The following ZNF407 variants were observed in gnomAD, a reference collection of about 807,000 sequenced individuals.
ZNF407 encodes the protein zinc finger protein 407.
Under a neutral mutation model 131.2 loss-of-function variants are expected in ZNF407, and 17 were observed. The observed-to-expected ratio is 0.13, with a 90% CI of 0.09 to 0.19. The LOEUF (loss-of-function observed/expected upper bound fraction) is 0.19, where lower values mean the gene tolerates loss of function less well. Among genes scored for constraint, ZNF407 ranks in the 10% least tolerant of loss-of-function variants. The pLI is 1.00. For synonymous variants in ZNF407, 1,156 were observed against 1,062.0 expected, an observed-to-expected ratio of 1.09 and a Z score of -1.72; for missense variants, 2,681 against 2,830.6, an observed-to-expected ratio of 0.95 and a Z score of 1.20.
In ZNF407 at chr18:74,634,999, C is replaced by T. The variant is rs1267662357; in HGVS notation, c.3980C>T (p.Ser1327Phe). 2 of 1,613,878 alleles carry T rather than the reference C, an allele frequency of 1.2e-6. No individual in the cohort carries two copies. The highest frequency in any genetic ancestry group is 1.7e-6 in the Non-Finnish European group (2 of 1,179,906). ...EFILEEDGPA[S>F]DSTVESSDVY... ...ATTTTGGAGGAGGATGGCCCAGCTT[C>T]TGATAGCACAGTTGAAAGTAGTGAT... Residue 1327 changes from serine (S) to phenylalanine (F), a missense_variant, in exon 2 of 9, where the codon TCT becomes TTT. By Grantham distance (155) the Ser-to-Phe change is radical (BLOSUM62 -2). Around this residue, in one of 6 missense-constraint regions of ZNF407, gnomAD observed 1,789 missense variants for 1,748.7 expected, o/e 1.02. Coordinates refer to ENST00000299687, the MANE Select transcript of ZNF407 (RefSeq NM_017757.3).
intron 8 of ZNF407, among the ~76,000 whole-genome samples, chr18:74,931,473 G>T (rs913913799): frequency 6.6e-6 from 1 of 152,076 alleles, no homozygotes; most frequent in South Asian, 2.1e-4. Context: ...CACCATTACT[G>T]TTAGGAAAAT....
At chr18:74,884,546 T>C (rs572804932) in intron 6 of ZNF407, among the ~76,000 whole-genome samples, 206 of 152,320 alleles carry the variant, frequency 1.4e-3, no homozygotes, top group African/African-American at 4.8e-3. Flanking sequence ...ATTATATTTT[T>C]CCCTGTCATC....
In ZNF407 at chr18:74,955,973, A is replaced by T. The variant is rs116124341; in HGVS notation, c.5428+35281A>T. Among the ~76,000 whole-genome samples the T allele has an allele frequency of 5.9e-3, 906 of 152,310 alleles. 5 individuals carry two copies. Among genetic ancestry groups the T allele is most frequent in the African/African-American group, 0.021 (869 of 41,562 alleles). Reference sequence around the variant, plus strand: ...AGAAAGCTCTAACTTAAGGAAGTTCATCTATAGGTTGAGCCAAAATATTCT... The same window carrying T: ...AGAAAGCTCTAACTTAAGGAAGTTCTTCTATAGGTTGAGCCAAAATATTCT... On this transcript the variant is annotated intron_variant, in intron 8 of 8. Coordinates refer to ENST00000299687, the MANE Select transcript of ZNF407 (RefSeq NM_017757.3).
chr18:74,628,037 G>C (rs1251043567), intron 1 of ZNF407, among the ~76,000 whole-genome samples: 1 of 151,898 alleles, frequency 6.6e-6, no homozygotes, highest in Non-Finnish European at 1.5e-5. Flanking sequence ...ACCACAGCTG[G>C]CTAACAAACT....
intron 3 of ZNF407, among the ~76,000 whole-genome samples, chr18:74,700,772 G>C (rs1403761645): frequency 6.6e-6 from 1 of 152,144 alleles, no homozygotes; most frequent in East Asian, 1.9e-4. Context: ...TAGGAGTTTA[G>C]CCTTGGTCAT....
At chr18:74,749,985 A>G (rs1388245902) in intron 3 of ZNF407, among the ~76,000 whole-genome samples, 11 of 152,206 alleles carry the variant, frequency 7.2e-5, no homozygotes, top group Non-Finnish European at 1.3e-4. Context: ...TGGACAAAGT[A>G]TGAGGTTGGT....
At chr18:74,863,982 TAAAG>T (rs773982413) in intron 4 of ZNF407, among the ~76,000 whole-genome samples, 1 of 152,230 alleles carries the variant, frequency 6.6e-6, no homozygotes, top group Admixed American at 6.5e-5. Flanking sequence ...AATTAAATAA[TAAAG>T]AAACATTCAA....
intron 8 of ZNF407, among the ~76,000 whole-genome samples, chr18:75,040,046 G>A (rs546067445): frequency 2.3e-4 from 35 of 152,222 alleles, no homozygotes; most frequent in African/African-American, 7.2e-4. Flanking sequence ...CATTTAGAAC[G>A]TTTGGCCTTT....
intron 7 of ZNF407, among the ~76,000 whole-genome samples, chr18:74,893,241 T>C: frequency 6.6e-6 from 1 of 152,184 alleles, no homozygotes; most frequent in East Asian, 1.9e-4. Context: ...ATAAAAGACT[T>C]ATGACATTGA....
At chr18:74,969,879 TC>T (rs1287187004) in intron 8 of ZNF407, among the ~76,000 whole-genome samples, 1 of 152,192 alleles carries the variant, frequency 6.6e-6, no homozygotes, top group African/African-American at 2.4e-5. Context: ...TTTGAACTGT[TC>T]CACTCCCTTC....
chr18:74,923,019 G>T (rs1380115411), intron 8 of ZNF407, among the ~76,000 whole-genome samples: 1 of 152,210 alleles, frequency 6.6e-6, no homozygotes, highest in Non-Finnish European at 1.5e-5. Flanking sequence ...TGTTTGACAT[G>T]ATCATTTTTA....
intron 8 of ZNF407, among the ~76,000 whole-genome samples, chr18:74,967,223 G>A (rs1453443005): frequency 1.3e-5 from 2 of 152,108 alleles, no homozygotes; most frequent in African/African-American, 4.8e-5. Context: ...CTCCATCCTG[G>A]GCGACAGAGA....
In ZNF407 at chr18:74,634,858, G is replaced by A. The variant is rs754662707; in HGVS notation, c.3839G>A (p.Gly1280Glu). The A allele has an allele frequency of 6.6e-5, 107 of 1,613,694 alleles. No individual in the cohort carries two copies. The highest frequency in any genetic ancestry group is 1.6e-4 in the Middle Eastern group (1 of 6,062). Residue 1280 changes from glycine (G) to glutamate (E), a missense_variant, in exon 2 of 9, where the codon GGG becomes GAG. This residue lies in a region of ZNF407 where 1,789 missense variants were observed against 1,748.7 expected (regional missense o/e 1.02). Transcript: ENST00000299687. The stretch of plus-strand genomic sequence containing the variant: ...AGAGAACAGGGAAATCTGGAGAGCG[G>A]GGGTCAGAACAGAGTTGCACGTGGG... ...ITREQGNLES[G>E]GQNRVARGHG...
chr18:74,851,076 A>G (rs935463960), intron 4 of ZNF407, among the ~76,000 whole-genome samples: 1 of 152,222 alleles, frequency 6.6e-6, no homozygotes, highest in South Asian at 2.1e-4. Flanking sequence ...GTTCTCCTTG[A>G]TACACATTTT....
At chr18:74,676,723 T>C (rs534349) in intron 3 of ZNF407, among the ~76,000 whole-genome samples, 5,881 of 152,232 alleles carry the variant, frequency 0.039, 247 homozygotes, top group African/African-American at 0.098. Flanking sequence ...CGTGAGCCAC[T>C]GTGCCCGGCC....
intron 6 of ZNF407, among the ~76,000 whole-genome samples, chr18:74,885,119 A>G (rs937960348): frequency 3.3e-5 from 5 of 152,180 alleles, no homozygotes; most frequent in Admixed American, 1.3e-4. Context: ...TATTGAAAGT[A>G]TAAGATTTAT....
chr18:74,769,267 G>T (rs10514139), intron 3 of ZNF407, among the ~76,000 whole-genome samples: 11,537 of 152,242 alleles, frequency 0.076, 559 homozygotes, highest in East Asian at 0.13. Flanking sequence ...GCACATCTGT[G>T]TGTGTATTTT....
chr18:74,938,272 T>C (rs1972060080), intron 8 of ZNF407, among the ~76,000 whole-genome samples: 1 of 152,192 alleles, frequency 6.6e-6, no homozygotes, highest in African/African-American at 2.4e-5. Flanking sequence ...ACGAATTGGT[T>C]ACCTCTGTAT....
intron 8 of ZNF407, among the ~76,000 whole-genome samples, chr18:74,967,943 C>T (rs1040405275): frequency 6.6e-6 from 1 of 152,172 alleles, no homozygotes; most frequent in Non-Finnish European, 1.5e-5. Flanking sequence ...TTTCCCAGGG[C>T]TCCACTGCTA....
Sources: allele counts gnomAD v4.1 joint callset (sites outside exome capture counted in the v4.1 genomes callset), GRCh38; gene constraint gnomAD v4.1.1; regional missense constraint gnomAD v4.1.1; transcripts MANE v1.5; gene names NCBI Gene and HGNC (gene_info 2026-07-23, HGNC 2026-07-21).